FAM13A: variants seen among roughly 807,000 people sequenced by gnomAD.
FAM13A encodes protein FAM13A.
Under a neutral mutation model 129.6 loss-of-function variants are expected in FAM13A, and 76 were observed. The observed-to-expected ratio is 0.59, with a 90% confidence interval of 0.49 to 0.71. FAM13A has a LOEUF of 0.71. Ranked by LOEUF, FAM13A falls within the 30% of genes least tolerant of loss-of-function variation. FAM13A has a pLI of 0.00. For missense variants in FAM13A, 1,108 were observed against 1,249.3 expected, an observed-to-expected ratio of 0.89 and a Z score of 1.70; for synonymous variants, 443 against 449.9, an observed-to-expected ratio of 0.98 and a Z score of 0.20.
chr4:88,817,613 T>C (rs1578798962), intron 7 of FAM13A, among the ~76,000 whole-genome samples: 4 of 152,180 alleles, frequency 2.6e-5, no homozygotes, highest in South Asian at 2.1e-4. Flanking sequence ...GAATAAATAG[T>C]GCATTAAAAA....
intron 6 of FAM13A, among the ~76,000 whole-genome samples, chr4:88,880,425 C>G (rs1743325155): frequency 6.6e-6 from 1 of 152,110 alleles, no homozygotes; most frequent in African/African-American, 2.4e-5. Flanking sequence ...GCAGGAAGAG[C>G]TCTGTGGGCA....
At chr4:88,926,858 T>C (rs545457775) in intron 5 of FAM13A, among the ~76,000 whole-genome samples, 2 of 152,188 alleles carry the variant, frequency 1.3e-5, no homozygotes, top group Non-Finnish European at 2.9e-5. Flanking sequence ...CAAACAACCC[T>C]CTACCATGCT....
At chr4:88,837,523 C>T (rs181176158) in intron 7 of FAM13A, among the ~76,000 whole-genome samples, 1 of 150,894 alleles carries the variant, frequency 6.6e-6, no homozygotes, top group East Asian at 2.0e-4. Flanking sequence ...TGAGACCAGC[C>T]TGACTAACAT....
At chr4:88,906,235 C>T in intron 6 of FAM13A, 144 bp downstream of exon 6, 1 of 606,336 alleles carries the variant, frequency 1.6e-6, no homozygotes, top group East Asian at 3.1e-5. Flanking sequence ...TTGCAGTGAG[C>T]TGAGATTGCG....
At chr4:89,025,365 C>T (rs940622757) in intron 2 of FAM13A, among the ~76,000 whole-genome samples, 3 of 148,290 alleles carry the variant, frequency 2.0e-5, no homozygotes, top group East Asian at 2.0e-4. Flanking sequence ...CCCGGGTTCA[C>T]GCCATTCTCC....
At chr4:88,925,403 T>C (rs1420235493) in intron 5 of FAM13A, among the ~76,000 whole-genome samples, 2 of 152,102 alleles carry the variant, frequency 1.3e-5, no homozygotes, top group Admixed American at 6.6e-5. Flanking sequence ...ACATCCTTTG[T>C]AGGGACATGG....
intron 21 of FAM13A, among the ~76,000 whole-genome samples, chr4:88,733,671 G>C (rs1738363729): frequency 6.6e-6 from 1 of 152,114 alleles, no homozygotes; most frequent in African/African-American, 2.4e-5. Flanking sequence ...GCAGGAATTG[G>C]GGCCTGTTTA....
intron 6 of FAM13A, among the ~76,000 whole-genome samples, chr4:88,865,533 A>C (rs1008081948): frequency 2.6e-5 from 4 of 152,254 alleles, no homozygotes; most frequent in African/African-American, 9.6e-5. Context: ...TAGTAACGGT[A>C]ACAGCAAATC....
At chr4:88,801,992 G>A (rs139492640) in intron 8 of FAM13A, among the ~76,000 whole-genome samples, 2 of 152,140 alleles carry the variant, frequency 1.3e-5, no homozygotes, top group Non-Finnish European at 2.9e-5. Flanking sequence ...TCTGACTGGA[G>A]GCCAGGTAAA....
At chr4:88,733,361 C>T (rs1229690865) in intron 21 of FAM13A, among the ~76,000 whole-genome samples, 1 of 152,224 alleles carries the variant, frequency 6.6e-6, no homozygotes, top group Non-Finnish European at 1.5e-5. Context: ...AGCTAGGTGG[C>T]TTTTCCAGAT....
chr4:88,917,178 G>T (rs547816661), intron 5 of FAM13A, among the ~76,000 whole-genome samples: 1 of 152,152 alleles, frequency 6.6e-6, no homozygotes, highest in Non-Finnish European at 1.5e-5. Flanking sequence ...GATTTATTTG[G>T]CTCATTCTGG....
intron 6 of FAM13A, among the ~76,000 whole-genome samples, chr4:88,890,652 TAAC>T (rs1175702720): frequency 3.3e-5 from 5 of 151,628 alleles, no homozygotes; most frequent in Non-Finnish European, 5.9e-5. Flanking sequence ...AGAAAGGAAA[TAAC>T]AATCAGAGAT....
chr4:88,826,541 C>T (rs961722526), intron 7 of FAM13A, among the ~76,000 whole-genome samples: 1 of 152,110 alleles, frequency 6.6e-6, no homozygotes, highest in Non-Finnish European at 1.5e-5. Flanking sequence ...GTGTTACAAC[C>T]TTTTTTATTA....
chr4:88,779,194 T>A (rs1560968120), intron 11 of FAM13A, among the ~76,000 whole-genome samples: 10 of 152,198 alleles, frequency 6.6e-5, no homozygotes, highest in Admixed American at 6.5e-4. Flanking sequence ...ATCCACAGGA[T>A]CTAAACTATT....
intron 7 of FAM13A, among the ~76,000 whole-genome samples, chr4:88,842,822 T>A (rs1736050347): frequency 6.6e-6 from 1 of 152,230 alleles, no homozygotes; most frequent in Non-Finnish European, 1.5e-5. Flanking sequence ...AAAAAAAATT[T>A]AATTGAAGTT....
At chr4:88,733,791 G>A (rs1202055898) in intron 21 of FAM13A, among the ~76,000 whole-genome samples, 2 of 152,188 alleles carry the variant, frequency 1.3e-5, no homozygotes, top group Non-Finnish European at 2.9e-5. Flanking sequence ...TATTAGAAGA[G>A]CATAAACACC....
At chr4:88,797,523 C>T (rs532701260) in intron 8 of FAM13A, among the ~76,000 whole-genome samples, 7 of 152,226 alleles carry the variant, frequency 4.6e-5, no homozygotes, top group African/African-American at 1.7e-4. Flanking sequence ...CTCTGGCCTC[C>T]GAAAGTGCTG....
intron 20 of FAM13A, chr4:88,737,787 A>G (rs1739308535): frequency 7.5e-6 from 4 of 531,280 alleles, no homozygotes; most frequent in Non-Finnish European, 1.0e-5. Context: ...CAGCAAGAAC[A>G]GCACAGGAGT....
intron 4 of FAM13A, among the ~76,000 whole-genome samples, chr4:88,975,715 C>T (rs974735602): frequency 6.6e-6 from 1 of 152,144 alleles, no homozygotes; most frequent in Non-Finnish European, 1.5e-5. Flanking sequence ...TGCTTTCTTC[C>T]ATTTTTAAAA....
Sources: allele counts gnomAD v4.1 joint callset (sites outside exome capture counted in the v4.1 genomes callset), GRCh38; gene constraint gnomAD v4.1.1; transcripts MANE v1.5; gene names NCBI Gene and HGNC (gene_info 2026-07-23, HGNC 2026-07-21).